Variants in INO80 observed in about 807,000 individuals in gnomAD.
The protein encoded by INO80 is INO80 complex ATPase subunit.
Under a neutral mutation model 203.4 loss-of-function variants are expected in INO80, and 20 were observed. The ratio of observed to expected loss-of-function variants is 0.10; its 90% CI spans 0.07 to 0.14. The LOEUF (loss-of-function observed/expected upper bound fraction) is 0.14, where lower values mean the gene tolerates loss of function less well. INO80 is among the 10% of genes least tolerant of loss of function. INO80 has a pLI of 1.00. For missense variants in INO80, 1,419 were observed against 1,914.4 expected, an observed-to-expected ratio of 0.74 and a Z score of 4.83; for synonymous variants, 726 against 685.2, an observed-to-expected ratio of 1.06 and a Z score of -0.93.
At position 40,979,413 on chromosome 15, in the gene INO80, GGACTGAAGGGCATGAGCAGGGA is replaced by G. The variant is rs896122872; in HGVS notation, c.*788_*809del. 2.0e-5 allele frequency: 3 copies of G among 153,074 alleles called. No individual in the cohort carries two copies. Among genetic ancestry groups the G allele is most frequent in the African/African-American group, 7.2e-5 (3 of 41,448 alleles). 9.5% of individuals were successfully genotyped at this position (153,074 alleles called of 1,614,324 possible). On this transcript the variant is annotated 3_prime_UTR_variant, in exon 36 of 36. Transcript: ENST00000648947. ...TAGACAGTGCATACAGCCAAGCAGG[GGACTGAAGGGCATGAGCAGGGA>G]GACTGTGCATTCAGGATGGGCAAAG...
intron 9 of INO80, 120 bp downstream of exon 9, chr15:41,079,581 A>C (rs1287767645): frequency 1.1e-5 from 11 of 971,266 alleles, no homozygotes; most frequent in Admixed American, 6.3e-5. Flanking sequence ...TACCAAAAAA[A>C]AAAAAAAAAC....
chr15:40,988,993 C>T (rs1455474629), intron 29 of INO80, among the ~76,000 whole-genome samples: 1 of 147,960 alleles, frequency 6.8e-6, no homozygotes, highest in Non-Finnish European at 1.5e-5. Flanking sequence ...CCAGCCTGGG[C>T]GACACAGTGA....
intron 7 of INO80, among the ~76,000 whole-genome samples, chr15:41,082,113 G>C (rs7165159): frequency 0.073 from 11,104 of 151,922 alleles, 1,176 homozygotes; most frequent in African/African-American, 0.24. Flanking sequence ...AGCCAGGCAT[G>C]GTGGCACATG....
intron 25 of INO80, among the ~76,000 whole-genome samples, chr15:41,025,009 C>T (rs757117482): frequency 6.6e-6 from 1 of 152,242 alleles, no homozygotes; most frequent in South Asian, 2.1e-4. Flanking sequence ...CTAATAATCA[C>T]GGTGTAATTA....
At chr15:41,112,613 C>A (rs920239918) in intron 1 of INO80, among the ~76,000 whole-genome samples, 1 of 151,642 alleles carries the variant, frequency 6.6e-6, no homozygotes, top group African/African-American at 2.4e-5. Flanking sequence ...CATGGTGAAA[C>A]CCCATCTCTA....
At chr15:41,110,869 T>C (rs938237487) in intron 1 of INO80, among the ~76,000 whole-genome samples, 16 of 152,252 alleles carry the variant, frequency 1.1e-4, no homozygotes, top group Non-Finnish European at 1.3e-4. Flanking sequence ...CTACTGGAGA[T>C]TGATTTTATA....
At chr15:41,064,544 G>C (rs920002893) in intron 14 of INO80, among the ~76,000 whole-genome samples, 11 of 152,026 alleles carry the variant, frequency 7.2e-5, no homozygotes, top group African/African-American at 2.7e-4. Context: ...ACTTGCAATG[G>C]AAGTTAGAGA....
intron 1 of INO80, among the ~76,000 whole-genome samples, chr15:41,104,624 G>A (rs1222877063): frequency 2.0e-5 from 3 of 151,848 alleles, no homozygotes; most frequent in Admixed American, 6.6e-5. Flanking sequence ...TGCAACCTCC[G>A]CCTCCCAGAT....
In INO80 at chr15:40,987,847, C is replaced by T; in HGVS notation, c.3698G>A (p.Arg1233His). The change falls in exon 30 of 36, where the codon CGC becomes CAC. Residue 1233 changes from arginine to histidine, a missense_variant. Arg to His is a conservative substitution (Grantham distance 29, BLOSUM62 0). Coordinates refer to ENST00000648947, the MANE Select transcript of INO80 (RefSeq NM_017553.3). ...RLICKGTIEE[R>H]ILQRAKEKSE... is the part of the protein sequence containing the mutation. Reference sequence around the variant, plus strand: ...CTTCTCCTTGGCTCTTTGCAGAATGCGTTCTTCAATGGTGCCTTTACAGAT... The same window carrying T: ...CTTCTCCTTGGCTCTTTGCAGAATGTGTTCTTCAATGGTGCCTTTACAGAT... The T allele has an allele frequency of 1.9e-6, 3 of 1,614,084 alleles. No homozygotes were observed. Among genetic ancestry groups the T allele is most frequent in the Non-Finnish European group, 2.5e-6 (3 of 1,179,964 alleles).
chr15:41,113,051 G>A (rs897311050), intron 1 of INO80, among the ~76,000 whole-genome samples: 2 of 151,408 alleles, frequency 1.3e-5, no homozygotes, highest in African/African-American at 4.8e-5. Flanking sequence ...AAGTAGCTGG[G>A]ACTACAGGTG....
intron 1 of INO80, among the ~76,000 whole-genome samples, chr15:41,111,264 G>A (rs1403234037): frequency 6.6e-6 from 1 of 152,082 alleles, no homozygotes; most frequent in African/African-American, 2.4e-5. Flanking sequence ...TGGTCAACAT[G>A]GTGAAACCCC....
intron 19 of INO80, among the ~76,000 whole-genome samples, chr15:41,052,697 A>T (rs2140537028): frequency 7.0e-6 from 1 of 143,796 alleles, no homozygotes; most frequent in Non-Finnish European, 1.5e-5. Flanking sequence ...AAAAAAAAAA[A>T]AATACAAGGG....
intron 31 of INO80, 24 bp from the exon 32 acceptor site, chr15:40,985,450 C>CTGATGA (rs1191248450): frequency 1.3e-6 from 2 of 1,535,874 alleles, no homozygotes; most frequent in Admixed American, 3.3e-5. Context: ...GAATTAAGAC[C>CTGATGA]TGATGAAGTA....
chr15:41,055,001 A>C (rs900878424), intron 18 of INO80, among the ~76,000 whole-genome samples: 2 of 152,208 alleles, frequency 1.3e-5, no homozygotes, highest in African/African-American at 4.8e-5. Flanking sequence ...ATAATACTTT[A>C]TGAATCAAGC....
Position 41,096,258 on chromosome 15 carries a change from T to C in INO80, c.53A>G (p.Lys18Arg). The C allele has an allele frequency of 6.2e-7, 1 of 1,612,352 alleles. No individual in the cohort carries two copies. The highest frequency in any genetic ancestry group is 8.5e-7 in the Non-Finnish European group (1 of 1,179,612). ...RDDGGCTELAKPLYLQYLERA... is the reference protein window; with the variant it reads ...RDDGGCTELARPLYLQYLERA... ...CTCCAAGTACTGAAGATAGAGGGGCTTTGCCAGCTCAGTGCAGCCTCCATC... is the reference window on the plus strand; with the variant it reads ...CTCCAAGTACTGAAGATAGAGGGGCCTTGCCAGCTCAGTGCAGCCTCCATC... The change falls in exon 2 of 36, where the codon AAG becomes AGG. Residue 18 changes from lysine (K) to arginine (R), a missense_variant. Around this residue, in one of 9 missense-constraint regions of INO80, gnomAD observed 323 missense variants for 325.4 expected, o/e 0.99. Transcript: ENST00000648947.
At chr15:41,104,204 C>T (rs1319632033) in intron 1 of INO80, among the ~76,000 whole-genome samples, 12 of 82,270 alleles carry the variant, frequency 1.5e-4, no homozygotes, top group Admixed American at 1.4e-3. Context: ...AAAACTCCAT[C>T]TCAAAAAAAA....
chr15:41,075,646 C>T (rs916505297), intron 9 of INO80, among the ~76,000 whole-genome samples: 2 of 151,978 alleles, frequency 1.3e-5, no homozygotes, highest in East Asian at 1.9e-4. Context: ...AGTAGAGACG[C>T]GGTTTCACTG....
chr15:41,079,650 T>A (rs1372457282), intron 9 of INO80, 51 bp downstream of exon 9: 2 of 1,524,676 alleles, frequency 1.3e-6, no homozygotes, highest in Non-Finnish European at 1.8e-6. Context: ...ACGAATCTCT[T>A]CAAATGGCTG....
intron 27 of INO80, among the ~76,000 whole-genome samples, chr15:41,015,423 G>C (rs1389933184): frequency 6.6e-6 from 1 of 152,136 alleles, no homozygotes; most frequent in African/African-American, 2.4e-5. Context: ...GCTGTTCTCT[G>C]CTTTTTTACG....
Sources: allele counts gnomAD v4.1 joint callset (sites outside exome capture counted in the v4.1 genomes callset), GRCh38; gene constraint gnomAD v4.1.1; regional missense constraint gnomAD v4.1.1; transcripts MANE v1.5; gene names NCBI Gene and HGNC (gene_info 2026-07-23, HGNC 2026-07-21).